ZC3H14: variants seen among roughly 807,000 people sequenced by gnomAD.
ZC3H14 encodes the protein zinc finger CCCH-type containing 14.
In ZC3H14, 31 loss-of-function variants were observed where a neutral mutation model predicts 92.4. The ratio of observed to expected loss-of-function variants is 0.34; its 90% CI spans 0.25 to 0.45. The LOEUF is 0.45. Ranked by LOEUF, ZC3H14 falls within the 20% of genes least tolerant of loss-of-function variation. ZC3H14 has a pLI of 1.00. For missense variants in ZC3H14, 781 were observed against 897.3 expected (o/e 0.87, Z 1.66); for synonymous variants, 321 against 300.9 (o/e 1.07, Z -0.69).
At chr14:88,585,973 A>C (rs2082425775) in intron 9 of ZC3H14, among the ~76,000 whole-genome samples, 1 of 152,162 alleles carries the variant, frequency 6.6e-6, no homozygotes, top group African/African-American at 2.4e-5. Flanking sequence ...GTTCGAGACC[A>C]GCCTGACCAT....
chr14:88,583,426 CTT>C (rs1431949039), intron 9 of ZC3H14, among the ~76,000 whole-genome samples: 1 of 152,092 alleles, frequency 6.6e-6, no homozygotes, highest in Non-Finnish European at 1.5e-5. Context: ...CCCGACTTCT[CTT>C]TTAATTTATC....
rs778544891 is a variant in ZC3H14, at chr14:88,595,102, G to A, written c.1280-1632G>A. ...AAAAATAATCGGCTTCCTTAGAAAC[G>A]TTGAGAAAGGTAAACTCTTAATATA... is the stretch of plus-strand genomic sequence containing the variant. On this transcript the variant is annotated intron_variant, in intron 9 of 16. Coordinates refer to ENST00000251038, the MANE Select transcript of ZC3H14 (RefSeq NM_024824.5). The A allele has an allele frequency of 3.2e-5, 51 of 1,609,850 alleles. 1 individual carries two copies. The South Asian group carries it at 4.4e-4, about 14-fold the overall frequency.
chr14:88,624,808 G>A lies in ZC3H14; in HGVS notation c.*13057G>A. 1 of 792,468 alleles carries A rather than the reference G, an allele frequency of 1.3e-6. No individual in the cohort carries two copies. Among genetic ancestry groups the A allele is most frequent in the Non-Finnish European group, 1.9e-6 (1 of 517,904 alleles). 49.1% of individuals were successfully genotyped at this position (792,468 alleles called of 1,614,324 possible). Reference sequence around the variant, plus strand: ...GGAAGTGAATTAAGACCAGAAATGAGAATCAAATAGAAGGCACATAAAAGG... The same window carrying A: ...GGAAGTGAATTAAGACCAGAAATGAAAATCAAATAGAAGGCACATAAAAGG... On this transcript the variant is annotated 3_prime_UTR_variant, in exon 17 of 17. Transcript: ENST00000251038.
intron 9 of ZC3H14, among the ~76,000 whole-genome samples, chr14:88,594,125 C>A (rs2083491843): frequency 6.6e-6 from 1 of 151,938 alleles, no homozygotes; most frequent in South Asian, 2.1e-4. Flanking sequence ...TTGTCACTCT[C>A]AATAATGTTA....
chr14:88,567,924 C>A (rs569457960), intron 2 of ZC3H14, 115 bp from the exon 3 acceptor site: 5 of 828,710 alleles, frequency 6.0e-6, no homozygotes, highest in Non-Finnish European at 1.0e-5. Context: ...AATGTAATTC[C>A]AGTAGAGCTC....
In ZC3H14 at chr14:88,626,721, G is replaced by A. The variant is rs17798544; in HGVS notation, c.*14970G>A. On this transcript the variant is annotated 3_prime_UTR_variant, in exon 17 of 17. Coordinates refer to ENST00000251038, the MANE Select transcript of ZC3H14 (RefSeq NM_024824.5). Reference sequence around the variant, plus strand: ...AAGATGAAATATATGCTTGACCAGGGCATGTAATGATTAGCAGATCACAGT... The same window carrying A: ...AAGATGAAATATATGCTTGACCAGGACATGTAATGATTAGCAGATCACAGT... 17,742 of 983,942 alleles carry A rather than the reference G, an allele frequency of 0.018. 265 individuals carry two copies. Among genetic ancestry groups the A allele is most frequent in the South Asian group, 0.055 (3,471 of 63,286 alleles). 61.0% of individuals were successfully genotyped at this position (983,942 alleles called of 1,614,324 possible).
intron 9 of ZC3H14, among the ~76,000 whole-genome samples, chr14:88,595,832 A>G (rs1241554171): frequency 6.6e-6 from 1 of 152,232 alleles, no homozygotes; most frequent in Admixed American, 6.5e-5. Context: ...CAAAATCAGC[A>G]TGTGGGCATC....
intron 9 of ZC3H14, 93 bp downstream of exon 9, chr14:88,578,233 G>GAAAA: frequency 6.8e-7 from 1 of 1,472,850 alleles, no homozygotes; most frequent in South Asian, 1.2e-5. Context: ...ATTACACTAT[G>GAAAA]AAAAAAGTGA....
At position 88,594,930 on chromosome 14, in the gene ZC3H14, T is replaced by C. The variant is rs1399662049; in HGVS notation, c.1280-1804T>C. On this transcript the variant is annotated intron_variant, in intron 9 of 16. Coordinates refer to ENST00000251038, the MANE Select transcript of ZC3H14 (RefSeq NM_024824.5). ...TTTTGACAGTGGAAGCAAATCTTTTTGATCTAAATGTTAGAGTGTCCAAGA... is the reference window on the plus strand; with the variant it reads ...TTTTGACAGTGGAAGCAAATCTTTTCGATCTAAATGTTAGAGTGTCCAAGA... 3.7e-6 allele frequency: 6 copies of C among 1,614,026 alleles called. No individual in the cohort carries two copies. In the East Asian group the frequency reaches 1.3e-4, roughly 36 times the overall value.
intron 9 of ZC3H14, chr14:88,595,132 A>G: frequency 1.2e-5 from 20 of 1,603,634 alleles, no homozygotes; most frequent in Non-Finnish European, 1.7e-5. Flanking sequence ...AATATATGAT[A>G]TGTTCTAGGT....
At chr14:88,600,437 T>C (rs2140040022) in intron 10 of ZC3H14, among the ~76,000 whole-genome samples, 1 of 149,266 alleles carries the variant, frequency 6.7e-6, no homozygotes, top group South Asian at 2.1e-4. Flanking sequence ...TTGATTTCTT[T>C]TCTCTTTTTT....
chr14:88,572,723 C>A lies in ZC3H14; in HGVS notation c.577C>A (p.Pro193Thr). The part of the protein sequence containing the change: ...DEDLNFVQEN[P>T]LSQKKPTVTL... ...AGACCTCAACTTTGTGCAGGAGAAT[C>A]CCTTATCTCAGAAAAAACCTACAGT... Residue 193 changes from proline (P) to threonine (T), a missense_variant, in exon 6 of 17, where the codon CCC (proline) becomes ACC (threonine). Pro to Thr is a conservative substitution (Grantham distance 38). Transcript: ENST00000251038. The A allele has an allele frequency of 6.2e-7, 1 of 1,614,162 alleles. No homozygotes were observed. Among genetic ancestry groups the A allele is most frequent in the Non-Finnish European group, 8.5e-7 (1 of 1,180,038 alleles).
At chr14:88,566,827 G>C (rs1477224157) in intron 2 of ZC3H14, among the ~76,000 whole-genome samples, 3 of 151,872 alleles carry the variant, frequency 2.0e-5, no homozygotes, top group African/African-American at 4.8e-5. Flanking sequence ...GGCTGAGGCA[G>C]GAGAATCGCT....
intron 9 of ZC3H14, among the ~76,000 whole-genome samples, chr14:88,593,653 T>C (rs757724479): frequency 1.1e-4 from 17 of 152,188 alleles, no homozygotes; most frequent in Non-Finnish European, 2.1e-4. Context: ...CAGGTGATGC[T>C]GGGACAACTG....
rs147445366 is a variant in ZC3H14 at position 88,617,844 on chromosome 14, T to C, written c.*6093T>C. 7.9e-4 allele frequency: 124 copies of C among 155,994 alleles called. No individual in the cohort carries two copies. Among genetic ancestry groups the C allele is most frequent in the Non-Finnish European group, 1.3e-3 (95 of 70,508 alleles). The allele number at this position is 155,994 out of a possible 1,614,324, so 9.7% of individuals were successfully genotyped here. A position where few individuals can be genotyped will look rare whatever the true frequency, so the allele number is the denominator to read the frequency against. ...GTTACCTGTCATACAGCCAGGAAAT[T>C]TGAACAAATTTGGAAGCTTTGACTT... On this transcript the variant is annotated 3_prime_UTR_variant, in exon 17 of 17. Transcript: ENST00000251038.
chr14:88,594,492 C>T, intron 9 of ZC3H14: 1 of 1,357,154 alleles, frequency 7.4e-7, no homozygotes, highest in Non-Finnish European at 9.5e-7. Flanking sequence ...AGCAATTGGT[C>T]TGGTACGTTT....
intron 7 of ZC3H14, among the ~76,000 whole-genome samples, chr14:88,575,578 C>A (rs921518674): frequency 2.6e-5 from 4 of 151,810 alleles, no homozygotes; most frequent in Non-Finnish European, 5.9e-5. Flanking sequence ...CACCTGTAGT[C>A]CTGGACTGGA....
chr14:88,611,029 A>C (rs1595138267), intron 16 of ZC3H14, 89 bp downstream of exon 16: 1 of 1,272,782 alleles, frequency 7.9e-7, no homozygotes, highest in East Asian at 2.4e-5. Context: ...CAAAATTGGA[A>C]ACTAGACTGT....
chr14:88,584,716 C>G (rs1175224030), intron 9 of ZC3H14, among the ~76,000 whole-genome samples: 1 of 152,134 alleles, frequency 6.6e-6, no homozygotes, highest in African/African-American at 2.4e-5. Flanking sequence ...GAAAGGTGAT[C>G]TCGCAGTTCT....
Sources: allele counts gnomAD v4.1 joint callset (sites outside exome capture counted in the v4.1 genomes callset), GRCh38; gene constraint gnomAD v4.1.1; transcripts MANE v1.5; gene names NCBI Gene and HGNC (gene_info 2026-07-23, HGNC 2026-07-21).